The following LHPP variants were observed in gnomAD, a reference collection of about 807,000 sequenced individuals.
LHPP encodes phospholysine phosphohistidine inorganic pyrophosphate phosphatase.
In LHPP, 24 loss-of-function variants were observed where a neutral mutation model predicts 30.3. That is an observed-to-expected ratio of 0.79 (90% CI 0.57 to 1.11). The LOEUF (loss-of-function observed/expected upper bound fraction) is 1.11, where lower values mean the gene tolerates loss of function less well. Ranked by LOEUF, LHPP falls within the 50% of genes most tolerant of loss-of-function variation. The pLI, the probability that LHPP is intolerant of heterozygous loss-of-function variation, is 0.00. For synonymous variants in LHPP, 150 were observed against 157.1 expected, an observed-to-expected ratio of 0.95 and a Z score of 0.34; for missense variants, 356 against 367.2, an observed-to-expected ratio of 0.97 and a Z score of 0.25.
At chr10:124,601,777 T>C (rs1232486899) in intron 6 of LHPP, among the ~76,000 whole-genome samples, 2 of 152,236 alleles carry the variant, frequency 1.3e-5, no homozygotes. Flanking sequence ...CAGGCCCCAC[T>C]GCTCTCTGCC....
At chr10:124,553,096 G>A (rs1948206602) in intron 6 of LHPP, among the ~76,000 whole-genome samples, 1 of 152,340 alleles carries the variant, frequency 6.6e-6, no homozygotes, top group African/African-American at 2.4e-5. Flanking sequence ...CCTCGATGTT[G>A]GGAGGGCAGT....
At chr10:124,531,491 G>C (rs1353944422) in intron 6 of LHPP, among the ~76,000 whole-genome samples, 3 of 152,230 alleles carry the variant, frequency 2.0e-5, no homozygotes, top group Non-Finnish European at 4.4e-5. Context: ...CTAGAGAGGG[G>C]AAGACCCAGT....
chr10:124,472,850 G>A (rs534047881), intron 1 of LHPP, among the ~76,000 whole-genome samples: 5 of 152,216 alleles, frequency 3.3e-5, no homozygotes, highest in African/African-American at 7.2e-5. Context: ...GAGCCACTGC[G>A]CCCAGCCTAA....
At chr10:124,549,960 G>A (rs181300290) in intron 6 of LHPP, among the ~76,000 whole-genome samples, 1 of 152,132 alleles carries the variant, frequency 6.6e-6, no homozygotes, top group Non-Finnish European at 1.5e-5. Context: ...ATCGGTGGCC[G>A]TGAGGATGAC....
intron 6 of LHPP, among the ~76,000 whole-genome samples, chr10:124,582,434 T>C (rs1292859372): frequency 6.6e-6 from 1 of 152,198 alleles, no homozygotes; most frequent in Non-Finnish European, 1.5e-5. Flanking sequence ...CATTGAGTTG[T>C]AAGAGTTGTT....
chr10:124,549,263 C>T (rs1955422556), intron 6 of LHPP, among the ~76,000 whole-genome samples: 1 of 152,070 alleles, frequency 6.6e-6, no homozygotes, highest in South Asian at 2.1e-4. Flanking sequence ...TAGTGAGACT[C>T]TGTCTCTATA....
At chr10:124,606,544 C>T (rs757074860) in intron 6 of LHPP, among the ~76,000 whole-genome samples, 9 of 152,372 alleles carry the variant, frequency 5.9e-5, no homozygotes, top group Admixed American at 2.6e-4. Flanking sequence ...GCAGGGGAAA[C>T]GCCAACTTCG....
chr10:124,545,236 C>T (rs1013162530), intron 6 of LHPP, among the ~76,000 whole-genome samples: 3 of 152,186 alleles, frequency 2.0e-5, no homozygotes, highest in South Asian at 4.1e-4. Context: ...CTGAGTCCCT[C>T]GCTTCTCTAA....
chr10:124,546,341 G>A (rs1463592989), intron 6 of LHPP, among the ~76,000 whole-genome samples: 1 of 152,346 alleles, frequency 6.6e-6, no homozygotes, highest in East Asian at 1.9e-4. Context: ...CCTTCCTTAT[G>A]AGCTCCCATT....
chr10:124,497,274 TC>T (rs1953750290), intron 4 of LHPP, among the ~76,000 whole-genome samples: 6 of 91,990 alleles, frequency 6.5e-5, no homozygotes, highest in African/African-American at 2.4e-4. Context: ...ATCCTCCCCA[TC>T]CTCCCCATCC....
intron 5 of LHPP, among the ~76,000 whole-genome samples, chr10:124,509,355 C>T (rs1370198978): frequency 6.6e-6 from 1 of 152,214 alleles, no homozygotes; most frequent in Non-Finnish European, 1.5e-5. Context: ...CAGTTTCGCT[C>T]TTGTGCGTAA....
chr10:124,551,866 G>A (rs941935968), intron 6 of LHPP, among the ~76,000 whole-genome samples: 4 of 152,038 alleles, frequency 2.6e-5, no homozygotes, highest in South Asian at 2.1e-4. Flanking sequence ...CCACGGAGGC[G>A]CACGCAGGAT....
At chr10:124,530,617 A>G (rs1348247005) in intron 6 of LHPP, among the ~76,000 whole-genome samples, 2 of 150,358 alleles carry the variant, frequency 1.3e-5, no homozygotes, top group Admixed American at 1.3e-4. Context: ...CTCACACCCC[A>G]CTCATTCCCT....
intron 5 of LHPP, among the ~76,000 whole-genome samples, chr10:124,505,522 C>G (rs1040626849): frequency 6.6e-6 from 1 of 152,174 alleles, no homozygotes; most frequent in Non-Finnish European, 1.5e-5. Flanking sequence ...TTTAACCTTT[C>G]CTCAGTGGCC....
chr10:124,537,203 C>G (rs555129349), intron 6 of LHPP, among the ~76,000 whole-genome samples: 3 of 152,320 alleles, frequency 2.0e-5, no homozygotes, highest in East Asian at 3.9e-4. Context: ...GCTGGCGGCC[C>G]CACCTCACTC....
chr10:124,464,367 T>C (rs1220536058), intron 1 of LHPP, among the ~76,000 whole-genome samples: 1 of 152,190 alleles, frequency 6.6e-6, no homozygotes, highest in African/African-American at 2.4e-5. Flanking sequence ...GACCCCATTC[T>C]ACCAATCTGC....
At chr10:124,581,034 C>G (rs1002016078) in intron 6 of LHPP, among the ~76,000 whole-genome samples, 1 of 152,146 alleles carries the variant, frequency 6.6e-6, no homozygotes, top group African/African-American at 2.4e-5. Context: ...ATTTTCATTA[C>G]CCCCAAATAA....
chr10:124,520,551 T>C (rs1455135522), intron 6 of LHPP, among the ~76,000 whole-genome samples: 3 of 152,260 alleles, frequency 2.0e-5, no homozygotes, highest in Non-Finnish European at 4.4e-5. Context: ...CCTAACGAGA[T>C]TTAAAATGTC....
chr10:124,604,737 C>T (rs1949070201), intron 6 of LHPP, among the ~76,000 whole-genome samples: 1 of 152,230 alleles, frequency 6.6e-6, no homozygotes, highest in East Asian at 1.9e-4. Context: ...GATGCCAGTG[C>T]CCAGATCCCT....
Sources: allele counts gnomAD v4.1 joint callset (sites outside exome capture counted in the v4.1 genomes callset), GRCh38; gene constraint gnomAD v4.1.1; transcripts MANE v1.5; gene names NCBI Gene and HGNC (gene_info 2026-07-23, HGNC 2026-07-21).